Variants in STK32C observed in about 807,000 individuals in gnomAD.
STK32C encodes serine/threonine-protein kinase 32C.
A neutral mutation model predicts 56.5 loss-of-function variants in STK32C; 31 were observed. The observed-to-expected ratio is 0.55, with a 90% CI of 0.41 to 0.74. STK32C has a LOEUF of 0.74. Among genes scored for constraint, STK32C ranks in the 30% least tolerant of loss-of-function variants. The pLI is 0.00. For synonymous variants in STK32C, 309 were observed against 289.4 expected (o/e 1.07, Z -0.69); for missense variants, 544 against 676.9 (o/e 0.80, Z 2.18).
At chr10:132,215,148 A>G (rs1565063604) in intron 10 of STK32C, among the ~76,000 whole-genome samples, 1 of 152,136 alleles carries the variant, frequency 6.6e-6, no homozygotes, top group Non-Finnish European at 1.5e-5. Flanking sequence ...CCTCCTGCGT[A>G]GCTGGTATCA....
intron 1 of STK32C, among the ~76,000 whole-genome samples, chr10:132,268,728 A>ACATC (rs2064699542): frequency 1.9e-5 from 1 of 53,598 alleles, no homozygotes; most frequent in African/African-American, 8.1e-5. Context: ...TGTGTGTGTC[A>ACATC]GTGTGTGTGC....
intron 10 of STK32C, among the ~76,000 whole-genome samples, chr10:132,209,759 G>T (rs2062230776): frequency 6.6e-6 from 1 of 152,216 alleles, no homozygotes; most frequent in Non-Finnish European, 1.5e-5. Context: ...CGTGAACTTG[G>T]ATGGTGACGT....
At chr10:132,322,802 C>T (rs985268509), downstream of STK32C, among the ~76,000 whole-genome samples, 2 of 152,244 alleles carry the variant, frequency 1.3e-5, no homozygotes, top group African/African-American at 2.4e-5. Flanking sequence ...TCTCCAGTGT[C>T]CTGGGGTGGA....
chr10:132,311,194 A>G (rs2066213481), upstream of STK32C, among the ~76,000 whole-genome samples: 1 of 152,186 alleles, frequency 6.6e-6, no homozygotes, highest in Admixed American at 6.5e-5. This position sits in a 1 kb window ranked among gnomAD's most constrained non-coding sequence, Gnocchi z 4.4. Context: ...TTCTGTCATC[A>G]TTATGAAATT....
chr10:132,264,950 T>C (rs1205321921), intron 1 of STK32C, among the ~76,000 whole-genome samples: 1 of 152,270 alleles, frequency 6.6e-6, no homozygotes, highest in Non-Finnish European at 1.5e-5. Flanking sequence ...TCATCCATCA[T>C]ACCCGTATTT....
intron 1 of STK32C, among the ~76,000 whole-genome samples, chr10:132,297,245 A>G (rs11818512): frequency 0.47 from 71,220 of 152,022 alleles, 18,730 homozygotes; most frequent in African/African-American, 0.7. Context: ...GACATGCCCC[A>G]GCCCCTCCTC....
intron 2 of STK32C, among the ~76,000 whole-genome samples, chr10:132,230,088 G>A (rs1051638830): frequency 9.2e-5 from 14 of 152,250 alleles, no homozygotes; most frequent in Admixed American, 3.9e-4. Flanking sequence ...AGGAGCGGGG[G>A]CAGCTGCAGG....
intron 1 of STK32C, among the ~76,000 whole-genome samples, chr10:132,251,770 T>C (rs2063917573): frequency 1.4e-5 from 2 of 145,284 alleles, no homozygotes; most frequent in South Asian, 2.1e-4. Context: ...GACCCTCCAC[T>C]ACCCACCACA....
At chr10:132,245,979 C>G (rs546123850) in intron 1 of STK32C, 24 bp from the exon 2 acceptor site, 3 of 1,612,882 alleles carry the variant, frequency 1.9e-6, no homozygotes, top group African/African-American at 2.7e-5. Flanking sequence ...CAGAGGGACA[C>G]CTGGTGAGGT....
chr10:132,285,750 C>A (rs962665317), intron 1 of STK32C, among the ~76,000 whole-genome samples: 3 of 152,210 alleles, frequency 2.0e-5, no homozygotes, highest in African/African-American at 4.8e-5. Context: ...TTGCATCATT[C>A]CCCTCTATTA....
chr10:132,212,064 G>A (rs189438837), intron 10 of STK32C, among the ~76,000 whole-genome samples: 124 of 152,142 alleles, frequency 8.2e-4, no homozygotes, highest in Middle Eastern at 6.8e-3. Context: ...CCCTAGCACC[G>A]CCACAAACCT....
At chr10:132,230,680 G>A (rs1462022380) in intron 2 of STK32C, among the ~76,000 whole-genome samples, 1 of 70,626 alleles carries the variant, frequency 1.4e-5, no homozygotes, top group South Asian at 6.0e-4. Context: ...GGAAGCTGGC[G>A]GGGGGGGGGG....
intron 1 of STK32C, among the ~76,000 whole-genome samples, chr10:132,253,746 G>T (rs1324971145): frequency 6.6e-6 from 1 of 152,362 alleles, no homozygotes; most frequent in South Asian, 2.1e-4. Flanking sequence ...CCGGCTCGAG[G>T]CGAGAGATGG....
At chr10:132,258,673 T>A (rs1043857861) in intron 1 of STK32C, among the ~76,000 whole-genome samples, 41 of 152,356 alleles carry the variant, frequency 2.7e-4, no homozygotes, top group Admixed American at 2.6e-3. Context: ...GGGTACCGAC[T>A]GCTGTCCACG....
chr10:132,316,562 T>C (rs2066314397), intron 1 of STK32C, among the ~76,000 whole-genome samples: 1 of 152,146 alleles, frequency 6.6e-6, no homozygotes, highest in African/African-American at 2.4e-5. Flanking sequence ...GAGGCTACAG[T>C]GAACCATGGT....
At chr10:132,329,884 A>G (rs2066604103) in intron 1 of STK32C, among the ~76,000 whole-genome samples, 1 of 152,244 alleles carries the variant, frequency 6.6e-6, no homozygotes, top group Admixed American at 6.5e-5. Flanking sequence ...CCACAGCGAA[A>G]TTTCAGAACA....
At chr10:132,310,681 G>T (rs2138425195), upstream of STK32C, among the ~76,000 whole-genome samples, 1 of 152,340 alleles carries the variant, frequency 6.6e-6, no homozygotes, top group East Asian at 1.9e-4. The surrounding 1 kb of genome is among the most constrained non-coding windows in gnomAD (Gnocchi z 4.6). Flanking sequence ...GATGGTGTCT[G>T]CCCCTTCCAA....
At chr10:132,259,544 T>C (rs1238506082) in intron 1 of STK32C, among the ~76,000 whole-genome samples, 2 of 152,102 alleles carry the variant, frequency 1.3e-5, no homozygotes, top group African/African-American at 4.8e-5. Context: ...TCTCATGAGA[T>C]CTGGGCGTCT....
intron 10 of STK32C, among the ~76,000 whole-genome samples, chr10:132,215,649 A>C (rs1234286278): frequency 2.0e-5 from 3 of 152,140 alleles, no homozygotes; most frequent in Non-Finnish European, 4.4e-5. Flanking sequence ...CCAGTCTCGG[A>C]TATGTCTTTA....
Sources: allele counts gnomAD v4.1 joint callset (sites outside exome capture counted in the v4.1 genomes callset), GRCh38; gene constraint gnomAD v4.1.1; non-coding constraint Gnocchi (gnomAD v3.1); transcripts MANE v1.5; gene names NCBI Gene and HGNC (gene_info 2026-07-23, HGNC 2026-07-21).